The following ADARB2 variants were observed in gnomAD, a reference collection of about 807,000 sequenced individuals.
ADARB2 encodes the protein inactive double-stranded RNA-specific editase B2.
ADARB2 carries 25 observed loss-of-function variants against 62.2 expected under a neutral mutation model. The observed-to-expected ratio is 0.40, with a 90% CI of 0.29 to 0.56. ADARB2 has a LOEUF of 0.56. Ranked by LOEUF, ADARB2 falls within the 20% of genes least tolerant of loss-of-function variation. The probability of loss-of-function intolerance (pLI) is 0.43; values close to 1 mark genes in which losing one functional copy is unlikely to be tolerated. For missense variants in ADARB2, 1,071 were observed against 1,077.4 expected, an observed-to-expected ratio of 0.99 and a Z score of 0.08; for synonymous variants, 572 against 500.8, an observed-to-expected ratio of 1.14 and a Z score of -1.90.
intron 3 of ADARB2, among the ~76,000 whole-genome samples, chr10:1,344,922 C>T (rs1271430349): frequency 6.6e-6 from 1 of 152,182 alleles, no homozygotes; most frequent in Non-Finnish European, 1.5e-5. Flanking sequence ...TTCCGAGCTC[C>T]GTGCATAATG....
chr10:1,459,379 A>G (rs1008156768), intron 1 of ADARB2, among the ~76,000 whole-genome samples: 1 of 152,244 alleles, frequency 6.6e-6, no homozygotes, highest in Non-Finnish European at 1.5e-5. Flanking sequence ...TTGCTGGGAC[A>G]TGGATGGAGC....
intron 1 of ADARB2, among the ~76,000 whole-genome samples, chr10:1,685,155 G>C (rs1273002472): frequency 6.6e-6 from 1 of 152,226 alleles, no homozygotes; most frequent in Non-Finnish European, 1.5e-5. Flanking sequence ...GGGCATGTCT[G>C]CCAGCCAGCA....
intron 3 of ADARB2, among the ~76,000 whole-genome samples, chr10:1,351,592 A>ATGTG (rs1832141477): frequency 6.6e-6 from 1 of 151,750 alleles, no homozygotes; most frequent in Admixed American, 6.6e-5. Context: ...CCTCCTTCAC[A>ATGTG]TCCTCCCCTT....
At chr10:1,549,643 A>C (rs1024627615) in intron 1 of ADARB2, among the ~76,000 whole-genome samples, 1 of 151,974 alleles carries the variant, frequency 6.6e-6, no homozygotes, top group East Asian at 1.9e-4. Flanking sequence ...AGAGCTGCGT[A>C]AGAGAGAACG....
At chr10:1,703,286 C>G (rs1278855352) in intron 1 of ADARB2, among the ~76,000 whole-genome samples, 1 of 152,016 alleles carries the variant, frequency 6.6e-6, no homozygotes, top group Admixed American at 6.6e-5. Flanking sequence ...CCAGGGAACA[C>G]CTGATGAGGA....
Position 1,531,401 on chromosome 10 carries a change from G to C in ADARB2, c.101-152241C>G, listed in dbSNP as rs375139149. Among the ~76,000 whole-genome samples, 5 of 152,184 alleles carry C rather than the reference G, an allele frequency of 3.3e-5. No individual in the cohort carries two copies. In the East Asian group the frequency reaches 5.8e-4, roughly 18 times the overall value. On this transcript the variant is annotated intron_variant, in intron 1 of 9. Coordinates refer to ENST00000381312, the MANE Select transcript of ADARB2 (RefSeq NM_018702.4). ...AAATCTTTCTGGGCCTCTGGCTGTT[G>C]ACAGTTCCTTAATTAAAAATCCTCC...
At chr10:1,365,644 G>C (rs967994132) in intron 2 of ADARB2, among the ~76,000 whole-genome samples, 2 of 152,172 alleles carry the variant, frequency 1.3e-5, no homozygotes. Flanking sequence ...AGTGTTTTCA[G>C]GTAGGTACCA....
At chr10:1,289,862 T>C (rs1241491226) in intron 3 of ADARB2, among the ~76,000 whole-genome samples, 1 of 152,168 alleles carries the variant, frequency 6.6e-6, no homozygotes, top group African/African-American at 2.4e-5. Flanking sequence ...CGCCAAACAA[T>C]AGCCTCTGGC....
chr10:1,255,017 T>G lies in ADARB2; in HGVS notation c.1193-12718A>C, dbSNP rs909611618. Among the ~76,000 whole-genome samples, 2 of 152,178 alleles carry G rather than the reference T, an allele frequency of 1.3e-5. No homozygotes were observed. The highest frequency in any genetic ancestry group is 3.9e-4 in the East Asian group (2 of 5,192). The stretch of plus-strand genomic sequence containing the variant: ...TTAGTTGTCAGGATAAGCACAGTAA[T>G]CACATACTCATTAATTTCCTTATAA... On this transcript the variant is annotated intron_variant, in intron 4 of 9. Coordinates refer to ENST00000381312, the MANE Select transcript of ADARB2 (RefSeq NM_018702.4). This position sits in a 1 kb window ranked among gnomAD's most constrained non-coding sequence, Gnocchi z 4.7.
chr10:1,433,221 T>A (rs923848450), intron 1 of ADARB2, among the ~76,000 whole-genome samples: 1 of 152,062 alleles, frequency 6.6e-6, no homozygotes. Flanking sequence ...ACCACAGCAT[T>A]CTCCGAATTG....
chr10:1,717,614 G>A (rs1279023447), intron 1 of ADARB2, among the ~76,000 whole-genome samples: 1 of 142,812 alleles, frequency 7.0e-6, no homozygotes, highest in African/African-American at 2.6e-5. Context: ...GTCTCGTTCT[G>A]TCACCAAGTC....
intron 1 of ADARB2, among the ~76,000 whole-genome samples, chr10:1,387,119 G>A (rs1832531758): frequency 6.6e-6 from 1 of 151,834 alleles, no homozygotes; most frequent in African/African-American, 2.4e-5. Flanking sequence ...TTAAAGCAAT[G>A]CTGAGAGACA....
At chr10:1,410,010 G>A (rs191846206) in intron 1 of ADARB2, among the ~76,000 whole-genome samples, 1 of 38,558 alleles carries the variant, frequency 2.6e-5, no homozygotes, top group Non-Finnish European at 6.8e-5. Flanking sequence ...CCTGGCTGTG[G>A]TCATAGGGAA....
intron 6 of ADARB2, among the ~76,000 whole-genome samples, chr10:1,227,757 G>T (rs1394557591): frequency 1.3e-5 from 2 of 152,090 alleles, no homozygotes; most frequent in Non-Finnish European, 2.9e-5. Context: ...CAAACCACAG[G>T]CATGAGAAAA....
chr10:1,730,821 AGAT>A (rs1401968239), intron 1 of ADARB2, among the ~76,000 whole-genome samples: 3 of 152,228 alleles, frequency 2.0e-5, no homozygotes, highest in Admixed American at 6.5e-5. Flanking sequence ...AATTTAAAAC[AGAT>A]GATACTAAAT....
chr10:1,485,151 T>C (rs545724273), intron 1 of ADARB2, among the ~76,000 whole-genome samples: 1 of 152,204 alleles, frequency 6.6e-6, no homozygotes, highest in African/African-American at 2.4e-5. Context: ...GATTAGTAGG[T>C]GCATTTGTAG....
chr10:1,496,058 ATCATCACCATCACTATTATCATCG>A (rs1376997979), intron 1 of ADARB2, among the ~76,000 whole-genome samples: 9 of 151,680 alleles, frequency 5.9e-5, no homozygotes, highest in African/African-American at 1.2e-4. Context: ...CATTATCTTC[ATCATCACCATCACTATTATCATCG>A]TCATCACCAT....
intron 1 of ADARB2, among the ~76,000 whole-genome samples, chr10:1,619,462 A>C (rs1018927399): frequency 6.6e-6 from 1 of 152,134 alleles, no homozygotes; most frequent in Non-Finnish European, 1.5e-5. Flanking sequence ...CAGAACATGT[A>C]TTTTTGTTTT....
intron 1 of ADARB2, among the ~76,000 whole-genome samples, chr10:1,412,371 T>A (rs966683285): frequency 1.3e-5 from 2 of 152,212 alleles, no homozygotes; most frequent in African/African-American, 4.8e-5. Flanking sequence ...GATGTGTTTT[T>A]TTTTTGAACA....
Sources: allele counts gnomAD v4.1 joint callset (sites outside exome capture counted in the v4.1 genomes callset), GRCh38; gene constraint gnomAD v4.1.1; non-coding constraint Gnocchi (gnomAD v3.1); transcripts MANE v1.5; gene names NCBI Gene and HGNC (gene_info 2026-07-23, HGNC 2026-07-21).